The following ANP32B variants were observed in gnomAD, a reference collection of about 807,000 sequenced individuals.
ANP32B encodes acidic leucine-rich nuclear phosphoprotein 32 family member B.
In ANP32B, 6 loss-of-function variants were observed where a neutral mutation model predicts 32.2. The observed-to-expected ratio is 0.19, with a 90% CI of 0.10 to 0.37. The LOEUF is 0.37. Among genes scored for constraint, ANP32B ranks in the 10% least tolerant of loss-of-function variants. ANP32B has a pLI of 1.00. For synonymous variants in ANP32B, 98 were observed against 105.8 expected (o/e 0.93, Z 0.45); for missense variants, 204 against 289.2 (o/e 0.71, Z 2.14).
chr9:97,993,305 C>T (rs1461237088), intron 1 of ANP32B, among the ~76,000 whole-genome samples: 1 of 152,124 alleles, frequency 6.6e-6, no homozygotes, highest in Non-Finnish European at 1.5e-5. Context: ...ATTAAGTACT[C>T]TATAATTGAT....
At position 98,015,696 on chromosome 9, in the gene ANP32B, G is replaced by C; in HGVS notation, c.*265G>C. The C allele has an allele frequency of 1.4e-5, 15 of 1,106,804 alleles. No homozygotes were observed. Among genetic ancestry groups the C allele is most frequent in the Non-Finnish European group, 1.7e-5 (15 of 903,840 alleles). 68.6% of individuals were successfully genotyped at this position (1,106,804 alleles called of 1,614,324 possible). ...TTTTGTGTAAGATTCTTGCTGTAGC[G>C]TGGATAGCTGTGATTGGTGAGTCAA... On this transcript the variant is annotated 3_prime_UTR_variant, in exon 7 of 7. Transcript: ENST00000339399.
chr9:98,003,778 G>T (rs1320390428), intron 3 of ANP32B, among the ~76,000 whole-genome samples: 1 of 152,138 alleles, frequency 6.6e-6, no homozygotes, highest in Non-Finnish European at 1.5e-5. Flanking sequence ...CTTAAAGTTT[G>T]TTTGGGTGTT....
chr9:97,998,408 C>A, intron 2 of ANP32B, 148 bp from the exon 3 acceptor site: 2 of 799,080 alleles, frequency 2.5e-6, no homozygotes, highest in South Asian at 3.2e-5. Flanking sequence ...TGGATTTAAA[C>A]AAAATGAACA....
intron 6 of ANP32B, among the ~76,000 whole-genome samples, chr9:98,013,340 T>G (rs1262528809): frequency 6.6e-6 from 1 of 152,220 alleles, no homozygotes; most frequent in Non-Finnish European, 1.5e-5. Flanking sequence ...TCCCCATGTT[T>G]TAAATGTGTT....
intron 4 of ANP32B, among the ~76,000 whole-genome samples, chr9:98,008,869 T>C (rs1464433083): frequency 6.6e-6 from 1 of 152,164 alleles, no homozygotes; most frequent in African/African-American, 2.4e-5. Flanking sequence ...TGCGTTTGAA[T>C]CATCCTGAAA....
At position 97,993,925 on chromosome 9, in the gene ANP32B, G is replaced by C. The variant is rs185851391; in HGVS notation, c.55-706G>C. 1.3e-3 allele frequency among the ~76,000 whole-genome samples: 200 copies of C among 152,296 alleles called. 1 individual carries two copies. Among genetic ancestry groups the C allele is most frequent in the African/African-American group, 4.6e-3 (192 of 41,550 alleles). On this transcript the variant is annotated intron_variant, in intron 1 of 6. Transcript: ENST00000339399. ...TGGGATTACAGGCGTCAGCCACTGC[G>C]CCCGGCCAGATGTGATACTCTTGGA...
chr9:98,015,052 C>T (rs997388232), intron 6 of ANP32B, among the ~76,000 whole-genome samples: 9 of 152,206 alleles, frequency 5.9e-5, no homozygotes, highest in Non-Finnish European at 1.0e-4. Context: ...TGGGCCTGAC[C>T]AGCTCAGGTT....
intron 6 of ANP32B, among the ~76,000 whole-genome samples, chr9:98,012,772 C>G (rs1396338498): frequency 6.6e-6 from 1 of 152,110 alleles, no homozygotes; most frequent in Non-Finnish European, 1.5e-5. Flanking sequence ...GCTCTGTTGC[C>G]CAGGCTGGAG....
At chr9:98,000,342 G>A (rs1350079470) in intron 3 of ANP32B, among the ~76,000 whole-genome samples, 2 of 152,122 alleles carry the variant, frequency 1.3e-5, no homozygotes, top group African/African-American at 4.8e-5. Context: ...TCTCATAAAT[G>A]TGATGCCTCA....
chr9:98,011,185 C>T, intron 4 of ANP32B, 86 bp from the exon 5 acceptor site: 3 of 1,491,332 alleles, frequency 2.0e-6, no homozygotes, highest in Non-Finnish European at 1.8e-6. Flanking sequence ...AGCATTTGTT[C>T]TGTGAGCCAG....
At chr9:98,001,609 C>G (rs774167457) in intron 3 of ANP32B, among the ~76,000 whole-genome samples, 2 of 152,118 alleles carry the variant, frequency 1.3e-5, no homozygotes, top group Non-Finnish European at 2.9e-5. Context: ...TATCAGAAGC[C>G]TTTTTCAGTG....
chr9:98,011,447 T>A (rs1472521387), intron 5 of ANP32B, 58 bp downstream of exon 5: 1 of 1,540,098 alleles, frequency 6.5e-7, no homozygotes, highest in Non-Finnish European at 8.7e-7. Flanking sequence ...AAAGTGGGGG[T>A]TTCAAAAAGA....
chr9:98,011,285 G>A lies in ANP32B; in HGVS notation c.532G>A (p.Glu178Lys). The A allele has an allele frequency of 6.4e-7, 1 of 1,550,724 alleles. No homozygotes were observed. The highest frequency in any genetic ancestry group is 8.7e-7 in the Non-Finnish European group (1 of 1,145,940). Residue 178 changes from glutamate (E) to lysine (K), a missense_variant, in exon 5 of 7, where the codon GAA becomes AAA. Transcript: ENST00000339399. ...ACTATTTTTAGAAGGAGAAGATGAG[G>A]AAGACGAGGACGATGAGGATGGTGA... ...EEEDEEGEDE[E>K]DEDDEDGEEE...
chr9:97,997,912 T>G (rs977569653), intron 2 of ANP32B, among the ~76,000 whole-genome samples: 2 of 152,234 alleles, frequency 1.3e-5, no homozygotes, highest in African/African-American at 4.8e-5. Context: ...GCTTAGAAAT[T>G]AGAGTAGGTT....
chr9:97,996,820 G>A (rs1201644152), intron 2 of ANP32B, among the ~76,000 whole-genome samples: 1 of 151,224 alleles, frequency 6.6e-6, no homozygotes, highest in Non-Finnish European at 1.5e-5. Context: ...GGCTGGTTTC[G>A]AACTCCTGAC....
rs1023323281 is a variant in ANP32B at position 98,011,288 on chromosome 9, G to A, written c.535G>A (p.Asp179Asn). The A allele has an allele frequency of 3.2e-6, 5 of 1,550,498 alleles. No homozygotes were observed. In the African/African-American group the frequency reaches 5.5e-5, roughly 17 times the overall value. Residue 179 changes from aspartate (D) to asparagine (N), a missense_variant, in exon 5 of 7, where the codon GAC (aspartate) becomes AAC (asparagine). By Grantham distance (23) the Asp-to-Asn change is conservative. Transcript: ENST00000339399. ...EEDEEGEDEE[D>N]EDDEDGEEEE... ...ATTTTTAGAAGGAGAAGATGAGGAA[G>A]ACGAGGACGATGAGGATGGTGAAGA... is the stretch of plus-strand genomic sequence containing the variant.
intron 1 of ANP32B, among the ~76,000 whole-genome samples, chr9:97,994,258 G>A (rs1398066196): frequency 6.6e-6 from 1 of 152,204 alleles, no homozygotes; most frequent in Non-Finnish European, 1.5e-5. Context: ...GGTAGACCCA[G>A]CCTAAAGAGT....
chr9:97,985,898 C>T (rs1008648326), intron 1 of ANP32B, among the ~76,000 whole-genome samples: 3 of 152,130 alleles, frequency 2.0e-5, no homozygotes, highest in Non-Finnish European at 2.9e-5. Flanking sequence ...CTCGGCTCAC[C>T]TCAGCCTCCG....
intron 6 of ANP32B, among the ~76,000 whole-genome samples, chr9:98,013,025 C>CG: frequency 6.6e-6 from 1 of 152,196 alleles, no homozygotes; most frequent in East Asian, 1.9e-4. Flanking sequence ...CCACCACACC[C>CG]GGCCTGTTGT....
Sources: gnomAD v4.1 joint callset for allele counts (sites outside exome capture counted in the v4.1 genomes callset) on GRCh38, gnomAD v4.1.1 for gene constraint, MANE v1.5 for transcripts, NCBI Gene and HGNC (gene_info 2026-07-23, HGNC 2026-07-21) for gene names.